The following SGCZ variants were observed in gnomAD, a reference collection of about 807,000 sequenced individuals.
SGCZ encodes the protein sarcoglycan zeta, also known as zeta-sarcoglycan.
Under a neutral mutation model 41.3 loss-of-function variants are expected in SGCZ, and 40 were observed. The ratio of observed to expected loss-of-function variants is 0.97; its 90% confidence interval spans 0.75 to 1.26. The LOEUF is 1.26. Among genes scored for constraint, SGCZ ranks in the 50% most tolerant of loss-of-function variants. SGCZ has a pLI of 0.00. For missense variants in SGCZ, 552 were observed against 369.8 expected (o/e 1.49, Z -4.04); for synonymous variants, 206 against 137.5 (o/e 1.50, Z -3.49).
rs556583291 is a variant in SGCZ, at chr8:14,566,959, G to A, written c.40-12033C>T. Among the ~76,000 whole-genome samples, 487 of 152,316 alleles carry A rather than the reference G, an allele frequency of 3.2e-3. 4 individuals are homozygous for A. Among genetic ancestry groups the A allele is most frequent in the African/African-American group, 0.011 (462 of 41,598 alleles). On this transcript the variant is annotated intron_variant, in intron 1 of 7. Coordinates refer to ENST00000382080, the MANE Select transcript of SGCZ (RefSeq NM_139167.4). Reference sequence around the variant, plus strand: ...CCCGCCAGCTGGCCCCACCGGCCCCGGGCAGTGAAGGGCTTAGCACCCGGG... The same window carrying A: ...CCCGCCAGCTGGCCCCACCGGCCCCAGGCAGTGAAGGGCTTAGCACCCGGG...
intron 1 of SGCZ, among the ~76,000 whole-genome samples, chr8:14,875,746 T>C (rs1804334887): frequency 6.6e-6 from 1 of 152,056 alleles, no homozygotes; most frequent in South Asian, 2.1e-4. Context: ...AATACAGTAG[T>C]AGGGCAAGAA....
intron 1 of SGCZ, among the ~76,000 whole-genome samples, chr8:15,003,138 G>A (rs571694047): frequency 5.3e-5 from 8 of 152,070 alleles, no homozygotes; most frequent in Admixed American, 5.2e-4. Context: ...TATTAAAAGA[G>A]GTATATTGTT....
At chr8:14,102,801 C>T (rs1802074564) in intron 6 of SGCZ, among the ~76,000 whole-genome samples, 1 of 152,066 alleles carries the variant, frequency 6.6e-6, no homozygotes, top group Non-Finnish European at 1.5e-5. Context: ...TCAGAATGCT[C>T]ATGAAAAGTA....
intron 4 of SGCZ, among the ~76,000 whole-genome samples, chr8:14,199,257 G>T (rs185446458): frequency 2.6e-5 from 4 of 152,114 alleles, no homozygotes; most frequent in African/African-American, 7.2e-5. Flanking sequence ...CTGTCATAGC[G>T]GACAGATGAA....
At chr8:14,523,107 A>G (rs1802838691) in intron 2 of SGCZ, among the ~76,000 whole-genome samples, 1 of 151,966 alleles carries the variant, frequency 6.6e-6, no homozygotes, top group African/African-American at 2.4e-5. Context: ...TTCCTTATTT[A>G]TAATGAAATT....
chr8:14,768,722 T>C (rs1368721793), intron 1 of SGCZ, among the ~76,000 whole-genome samples: 1 of 151,938 alleles, frequency 6.6e-6, no homozygotes, highest in Non-Finnish European at 1.5e-5. Flanking sequence ...TGTAATATGC[T>C]CTCACAGAAC....
chr8:14,279,444 G>T (rs911309478), intron 3 of SGCZ, among the ~76,000 whole-genome samples: 3 of 151,708 alleles, frequency 2.0e-5, no homozygotes, highest in Non-Finnish European at 4.4e-5. Context: ...TTTTTCCCTA[G>T]ATTACACATT....
intron 2 of SGCZ, among the ~76,000 whole-genome samples, chr8:14,504,524 T>C (rs1245585015): frequency 1.3e-5 from 2 of 152,204 alleles, no homozygotes; most frequent in Non-Finnish European, 2.9e-5. Flanking sequence ...CATAGACTTT[T>C]ATTATCTACC....
chr8:14,691,852 C>G (rs1164368922), intron 1 of SGCZ, among the ~76,000 whole-genome samples: 1 of 151,820 alleles, frequency 6.6e-6, no homozygotes, highest in Non-Finnish European at 1.5e-5. Context: ...AAATGTCACC[C>G]TAATACATAA....
intron 2 of SGCZ, among the ~76,000 whole-genome samples, chr8:14,377,291 A>G (rs1299329050): frequency 6.6e-6 from 1 of 152,110 alleles, no homozygotes; most frequent in Non-Finnish European, 1.5e-5. Flanking sequence ...ACATTGGTGA[A>G]CACATGGAGG....
At chr8:14,691,061 T>G (rs1014713005) in intron 1 of SGCZ, among the ~76,000 whole-genome samples, 1 of 152,202 alleles carries the variant, frequency 6.6e-6, no homozygotes, top group African/African-American at 2.4e-5. Context: ...CTACTATATG[T>G]ATCACTTTTT....
intron 1 of SGCZ, among the ~76,000 whole-genome samples, chr8:15,203,185 G>A (rs536475139): frequency 2.0e-5 from 3 of 151,980 alleles, no homozygotes; most frequent in South Asian, 2.1e-4. Flanking sequence ...ATTCTGCCTC[G>A]GTATCTTTTC....
chr8:15,112,665 A>G (rs1288114301), intron 1 of SGCZ, among the ~76,000 whole-genome samples: 1 of 152,198 alleles, frequency 6.6e-6, no homozygotes, highest in Non-Finnish European at 1.5e-5. Flanking sequence ...GCCGTGAGGA[A>G]GTCCAAGTAG....
At chr8:14,547,317 C>T (rs1057136674) in intron 2 of SGCZ, among the ~76,000 whole-genome samples, 1 of 152,058 alleles carries the variant, frequency 6.6e-6, no homozygotes, top group Admixed American at 6.6e-5. Flanking sequence ...TTCAGACGGC[C>T]AGAAAGGGTG....
At chr8:15,111,667 C>T (rs893086982) in intron 1 of SGCZ, among the ~76,000 whole-genome samples, 5 of 152,068 alleles carry the variant, frequency 3.3e-5, no homozygotes, top group East Asian at 1.9e-4. Flanking sequence ...TTTGGGAGGC[C>T]GAGGTGGGCG....
chr8:15,162,628 T>C (rs184542866), intron 1 of SGCZ, among the ~76,000 whole-genome samples: 86 of 152,334 alleles, frequency 5.6e-4, no homozygotes, highest in African/African-American at 2.1e-3. Flanking sequence ...TAAAACTGTG[T>C]TTCACTTTTC....
At chr8:14,140,792 C>T (rs7006630) in intron 5 of SGCZ, among the ~76,000 whole-genome samples, 3,232 of 152,132 alleles carry the variant, frequency 0.021, 144 homozygotes, top group African/African-American at 0.075. Flanking sequence ...GCTACCAATG[C>T]CTTTCTTCAC....
chr8:14,603,099 G>T (rs537509792), intron 1 of SGCZ, among the ~76,000 whole-genome samples: 3 of 152,234 alleles, frequency 2.0e-5, no homozygotes, highest in African/African-American at 7.2e-5. Flanking sequence ...CATTGTGAAG[G>T]AGCTAGGTGG....
chr8:14,545,271 A>T (rs1020733059), intron 2 of SGCZ, among the ~76,000 whole-genome samples: 2 of 152,144 alleles, frequency 1.3e-5, no homozygotes, highest in Non-Finnish European at 2.9e-5. Flanking sequence ...AATAGAAAGG[A>T]CAGTGATGCT....
Sources: gnomAD v4.1 joint callset for allele counts (sites outside exome capture counted in the v4.1 genomes callset) on GRCh38, gnomAD v4.1.1 for gene constraint, MANE v1.5 for transcripts, NCBI Gene and HGNC (gene_info 2026-07-23, HGNC 2026-07-21) for gene names.